DLGAP1: variants seen among roughly 807,000 people sequenced by gnomAD.
The protein encoded by DLGAP1 is disks large-associated protein 1.
A neutral mutation model predicts 90.8 loss-of-function variants in DLGAP1; 11 were observed. The observed-to-expected ratio is 0.12, with a 90% CI of 0.08 to 0.20. DLGAP1 has a LOEUF of 0.20. Ranked by LOEUF, DLGAP1 falls within the 10% of genes least tolerant of loss-of-function variation. The pLI, the probability that DLGAP1 is intolerant of heterozygous loss-of-function variation, is 1.00. For missense variants in DLGAP1, 1,050 were observed against 1,333.8 expected (o/e 0.79, Z 3.31); for synonymous variants, 558 against 540.7 (o/e 1.03, Z -0.44).
chr18:4,139,519 T>G (rs1345848050), intron 2 of DLGAP1, among the ~76,000 whole-genome samples: 1 of 152,032 alleles, frequency 6.6e-6, no homozygotes, highest in Admixed American at 6.6e-5. Context: ...TTTTAAGACT[T>G]GCTTTGTGGC....
chr18:3,560,311 C>G (rs924830396), intron 9 of DLGAP1, among the ~76,000 whole-genome samples: 1 of 151,276 alleles, frequency 6.6e-6, no homozygotes, highest in East Asian at 2.0e-4. Context: ...CCCAGCTACT[C>G]GGTAGGCTGA....
At chr18:3,960,361 C>T (rs986994527) in intron 3 of DLGAP1, among the ~76,000 whole-genome samples, 1 of 152,070 alleles carries the variant, frequency 6.6e-6, no homozygotes, top group African/African-American at 2.4e-5. Flanking sequence ...GCCAGCGGTT[C>T]CCACACTTTA....
intron 3 of DLGAP1, chr18:3,977,945 C>A: frequency 2.8e-6 from 1 of 354,706 alleles, no homozygotes; most frequent in Middle Eastern, 1.0e-3. Flanking sequence ...GAAGGCCATG[C>A]CAGTAAGCTT....
chr18:3,622,401 G>A (rs1251366774), intron 7 of DLGAP1, among the ~76,000 whole-genome samples: 3 of 152,076 alleles, frequency 2.0e-5, no homozygotes, highest in Admixed American at 6.6e-5. Flanking sequence ...CACTGCACTC[G>A]TCCTAAGCTG....
chr18:3,618,257 G>A (rs543254227), intron 7 of DLGAP1, among the ~76,000 whole-genome samples: 85 of 152,276 alleles, frequency 5.6e-4, no homozygotes, highest in African/African-American at 1.9e-3. Flanking sequence ...CGGCCTTTAA[G>A]GGGCTTTGAA....
chr18:3,793,907 C>G (rs1195088091), intron 5 of DLGAP1, among the ~76,000 whole-genome samples: 2 of 152,176 alleles, frequency 1.3e-5, no homozygotes, highest in African/African-American at 4.8e-5. Flanking sequence ...CTTCCTTGCT[C>G]TTTATGTCAC....
In DLGAP1 at chr18:3,814,250, C is replaced by A. The variant is rs1472258600; in HGVS notation, c.981G>T (p.Gly327=). ...YLQVPQDEWT[G]YTPRGKDDEI... ...CATCATCTTTACCTCGTGGGGTGTACCCTGTCCATTCATCTTGTGGAACCT... is the reference window on the plus strand; with the variant it reads ...CATCATCTTTACCTCGTGGGGTGTAACCTGTCCATTCATCTTGTGGAACCT... Residue 327 remains glycine (G), a synonymous_variant, in exon 5 of 13, where the codon GGG becomes GGT. Coordinates refer to ENST00000315677, the MANE Select transcript of DLGAP1 (RefSeq NM_004746.4). 6.2e-7 allele frequency: 1 copy of A among 1,614,146 alleles called. No homozygotes were observed. The highest frequency in any genetic ancestry group is 1.1e-5 in the South Asian group (1 of 91,084).
intron 2 of DLGAP1, among the ~76,000 whole-genome samples, chr18:4,071,077 CAG>C (rs2075440166): frequency 6.6e-6 from 1 of 152,024 alleles, no homozygotes; most frequent in Non-Finnish European, 1.5e-5. Flanking sequence ...ATGTAGGAGA[CAG>C]AGTAAATAAT....
At chr18:4,261,687 G>A (rs757660746) in intron 1 of DLGAP1, among the ~76,000 whole-genome samples, 10 of 152,054 alleles carry the variant, frequency 6.6e-5, no homozygotes, top group South Asian at 4.1e-4. Context: ...ACTGTCTTCC[G>A]TAGCTGGTGA....
chr18:3,928,548 A>T (rs188386548), intron 3 of DLGAP1, among the ~76,000 whole-genome samples: 1 of 152,344 alleles, frequency 6.6e-6, no homozygotes, highest in East Asian at 1.9e-4. Flanking sequence ...TAGAGACCTT[A>T]TTATGTGCCA....
At position 3,759,451 on chromosome 18, in the gene DLGAP1, G is replaced by A. The variant is rs75105682; in HGVS notation, c.1173-16939C>T. 7.2e-3 allele frequency among the ~76,000 whole-genome samples: 1,094 copies of A among 152,210 alleles called. 19 individuals carry two copies. The highest frequency in any genetic ancestry group is 0.024 in the African/African-American group (1,016 of 41,506). ...TCCTTTTCATAATAATTCATCAGAC[G>A]TAGAAATTATCAACATAAAATGCAA... is the stretch of plus-strand genomic sequence containing the variant. On this transcript the variant is annotated intron_variant, in intron 5 of 12. Coordinates refer to ENST00000315677, the MANE Select transcript of DLGAP1 (RefSeq NM_004746.4).
intron 4 of DLGAP1, among the ~76,000 whole-genome samples, chr18:3,876,215 GC>G (rs33970871): frequency 0.32 from 48,544 of 151,762 alleles, 8,131 homozygotes; most frequent in African/African-American, 0.41. Context: ...CAAGAAGGGA[GC>G]CAGAAGCCCA....
intron 4 of DLGAP1, among the ~76,000 whole-genome samples, chr18:3,821,515 C>T (rs2067416397): frequency 6.6e-6 from 1 of 152,124 alleles, no homozygotes; most frequent in East Asian, 1.9e-4. Flanking sequence ...TGTAACCATT[C>T]AAATAAGCAT....
At chr18:3,701,489 G>C (rs1193082109) in intron 7 of DLGAP1, among the ~76,000 whole-genome samples, 1 of 152,172 alleles carries the variant, frequency 6.6e-6, no homozygotes, top group East Asian at 1.9e-4. Context: ...AAAAAAGCCG[G>C]GCAAAGCAGA....
chr18:4,211,413 G>T (rs2077838045), intron 1 of DLGAP1, among the ~76,000 whole-genome samples: 1 of 152,154 alleles, frequency 6.6e-6, no homozygotes, highest in Non-Finnish European at 1.5e-5. Context: ...TGTTAGAAAG[G>T]GTTATCAAGG....
chr18:3,990,565 A>G (rs2073944561), intron 3 of DLGAP1, among the ~76,000 whole-genome samples: 2 of 151,122 alleles, frequency 1.3e-5, no homozygotes, highest in African/African-American at 2.4e-5. Context: ...ACACACCAAC[A>G]TGGCACATGT....
Position 3,928,569 on chromosome 18 carries a change from C to T in DLGAP1, c.-72-48429G>A, listed in dbSNP as rs191680754. On this transcript the variant is annotated intron_variant, in intron 3 of 12. Transcript: ENST00000315677. ...CCTTATTATGTGCCAGGCATGGTTC[C>T]AAGTGCTTCAAATACATTAGTCCAT... 3.7e-3 allele frequency among the ~76,000 whole-genome samples: 568 copies of T among 152,238 alleles called. 5 individuals carry two copies. Among genetic ancestry groups the T allele is most frequent in the Middle Eastern group, 0.01 (3 of 294 alleles).
chr18:4,395,716 C>A (rs768237713), intron 1 of DLGAP1, among the ~76,000 whole-genome samples: 4 of 152,198 alleles, frequency 2.6e-5, no homozygotes, highest in Non-Finnish European at 4.4e-5. Context: ...ATAACAGAAT[C>A]TACTTAAGTC....
intron 1 of DLGAP1, chr18:4,294,870 T>G (rs1568495854): frequency 6.6e-6 from 1 of 152,266 alleles, no homozygotes; most frequent in East Asian, 1.9e-4. Context: ...GAAGATCATC[T>G]TCCCCTGGAG....
Sources: allele counts gnomAD v4.1 joint callset (sites outside exome capture counted in the v4.1 genomes callset), GRCh38; gene constraint gnomAD v4.1.1; transcripts MANE v1.5; gene names NCBI Gene and HGNC (gene_info 2026-07-23, HGNC 2026-07-21).